NXPE2: variants seen among roughly 807,000 people sequenced by gnomAD.
The protein encoded by NXPE2 is neurexophilin and PC-esterase domain family member 2.
A neutral mutation model predicts 34.4 loss-of-function variants in NXPE2; 34 were observed. The observed-to-expected ratio is 0.99, with a 90% CI of 0.75 to 1.31. NXPE2 has a LOEUF of 1.31. Among genes scored for constraint, NXPE2 ranks in the 40% most tolerant of loss-of-function variants. The pLI is 0.00. For missense variants in NXPE2, 649 were observed against 672.5 expected (o/e 0.97, Z 0.39); for synonymous variants, 235 against 231.3 (o/e 1.02, Z -0.15).
At chr11:114,623,450 T>A in the NXPE2 span, among the ~76,000 whole-genome samples, 3 of 152,118 alleles carry the variant, frequency 2.0e-5, no homozygotes, top group African/African-American at 7.2e-5. Context: ...GGGTAACCAC[T>A]GTTATCCGGT....
At chr11:114,739,326 TCCTTCCTTCCTTC>T in the NXPE2 span, among the ~76,000 whole-genome samples, 3,195 of 54,274 alleles carry the variant, frequency 0.059, 175 homozygotes, top group Admixed American at 0.14. Flanking sequence ...CTTCCTTCCT[TCCTTCCTTCCTTC>T]CCCCCTTCCT....
chr11:114,603,590 A>T, the NXPE2 span, among the ~76,000 whole-genome samples: 3 of 150,740 alleles, frequency 2.0e-5, no homozygotes, highest in Admixed American at 6.6e-5. Context: ...GGTAACTCCT[A>T]TTACCTGGTG....
chr11:114,742,927 C>T, the NXPE2 span, among the ~76,000 whole-genome samples: 1 of 152,060 alleles, frequency 6.6e-6, no homozygotes, highest in Non-Finnish European at 1.5e-5. Context: ...ACTTTGAACC[C>T]AATGTGGCTG....
At chr11:114,543,805 C>T in the NXPE2 span, among the ~76,000 whole-genome samples, 2 of 151,962 alleles carry the variant, frequency 1.3e-5, no homozygotes, top group Non-Finnish European at 2.9e-5. Flanking sequence ...TTTTTATTAA[C>T]AAATTACATG....
chr11:114,674,949 T>G (rs1950841274), upstream of NXPE2, among the ~76,000 whole-genome samples: 1 of 151,734 alleles, frequency 6.6e-6, no homozygotes, highest in Non-Finnish European at 1.5e-5. Flanking sequence ...AAAGAATGAT[T>G]CACCATAATC....
chr11:114,743,417 A>G, the NXPE2 span, among the ~76,000 whole-genome samples: 1 of 146,480 alleles, frequency 6.8e-6, no homozygotes, highest in African/African-American at 2.8e-5. Flanking sequence ...ATATAATATG[A>G]CACATAAGCA....
chr11:114,536,496 G>T, the NXPE2 span, among the ~76,000 whole-genome samples: 2 of 152,082 alleles, frequency 1.3e-5, no homozygotes, highest in Non-Finnish European at 2.9e-5. Flanking sequence ...TCCAGGAGCT[G>T]GTTTTTTGAA....
At chr11:114,640,040 T>G in the NXPE2 span, among the ~76,000 whole-genome samples, 4 of 119,068 alleles carry the variant, frequency 3.4e-5, no homozygotes, top group East Asian at 9.9e-4. Flanking sequence ...ATAATTATAT[T>G]ATTTTATAAT....
chr11:114,752,854 G>C, the NXPE2 span, among the ~76,000 whole-genome samples: 1 of 152,158 alleles, frequency 6.6e-6, no homozygotes. Context: ...GGCAAGCTTG[G>C]AGGTACACAT....
chr11:114,730,789 C>T, the NXPE2 span, among the ~76,000 whole-genome samples: 1 of 152,098 alleles, frequency 6.6e-6, no homozygotes, highest in Non-Finnish European at 1.5e-5. Flanking sequence ...GTTCCAAGAG[C>T]CTTCTGGCAG....
the NXPE2 span, among the ~76,000 whole-genome samples, chr11:114,633,882 G>C: frequency 1.3e-5 from 2 of 151,996 alleles, no homozygotes; most frequent in East Asian, 1.9e-4. Context: ...TATTGGGGTT[G>C]GTTCCAAGTC....
At chr11:114,766,640 T>C in the NXPE2 span, among the ~76,000 whole-genome samples, 9 of 152,136 alleles carry the variant, frequency 5.9e-5, no homozygotes, top group East Asian at 3.9e-4. Flanking sequence ...CTCTTTTTTT[T>C]CCTGCATTTC....
the NXPE2 span, among the ~76,000 whole-genome samples, chr11:114,652,538 G>A: frequency 4.6e-5 from 7 of 152,310 alleles, no homozygotes; most frequent in African/African-American, 9.6e-5. Context: ...CTGTTTTGAG[G>A]ATTAAAAGAG....
the NXPE2 span, among the ~76,000 whole-genome samples, chr11:114,811,118 A>C: frequency 6.9e-5 from 10 of 145,452 alleles, no homozygotes; most frequent in African/African-American, 2.5e-4. Flanking sequence ...TCTTGCTCAT[A>C]GGTGGGAACT....
chr11:114,528,426 T>C, the NXPE2 span, among the ~76,000 whole-genome samples: 1 of 152,224 alleles, frequency 6.6e-6, no homozygotes, highest in African/African-American at 2.4e-5. Flanking sequence ...GGTAGACCTT[T>C]TATCAGAGGG....
the NXPE2 span, among the ~76,000 whole-genome samples, chr11:114,636,040 G>C: frequency 1.3e-5 from 2 of 151,958 alleles, no homozygotes; most frequent in Non-Finnish European, 2.9e-5. Flanking sequence ...AGAAGGAACG[G>C]TACCAGTTCC....
intron 2 of NXPE2, among the ~76,000 whole-genome samples, chr11:114,686,091 C>T (rs1192019080): frequency 6.6e-6 from 1 of 151,954 alleles, no homozygotes; most frequent in African/African-American, 2.4e-5. Context: ...TGAGATTTCT[C>T]TATAATTTAT....
chr11:114,679,502 G>A (rs1950912018), intron 1 of NXPE2, among the ~76,000 whole-genome samples, 155 bp from the exon 2 acceptor site: 1 of 151,968 alleles, frequency 6.6e-6, no homozygotes. Context: ...GAAACACTTT[G>A]TTTCTGATTG....
At chr11:114,712,052 T>A (rs182709161), downstream of NXPE2, among the ~76,000 whole-genome samples, 1 of 152,234 alleles carries the variant, frequency 6.6e-6, no homozygotes, top group East Asian at 1.9e-4. Flanking sequence ...AATATTGACA[T>A]GCAAAAGAAT....
Sources: gnomAD v4.1 joint callset for allele counts (sites outside exome capture counted in the v4.1 genomes callset) on GRCh38, gnomAD v4.1.1 for gene constraint, MANE v1.5 for transcripts, NCBI Gene and HGNC (gene_info 2026-07-23, HGNC 2026-07-21) for gene names.